The following TENM4 variants were observed in gnomAD, a reference collection of about 807,000 sequenced individuals.
TENM4 encodes the protein teneurin transmembrane protein 4.
TENM4 carries 82 observed loss-of-function variants against 243.3 expected under a neutral mutation model. That is an observed-to-expected ratio of 0.34 (90% confidence interval 0.28 to 0.40). TENM4 has a LOEUF of 0.40. Among genes scored for constraint, TENM4 ranks in the 10% least tolerant of loss-of-function variants. The pLI, the probability that TENM4 is intolerant of heterozygous loss-of-function variation, is 1.00. For synonymous variants in TENM4, 1,412 were observed against 1,456.3 expected (o/e 0.97, Z 0.69); for missense variants, 3,138 against 3,673.3 (o/e 0.85, Z 3.77).
At chr11:79,437,714 C>G (rs904576219) in intron 1 of TENM4, among the ~76,000 whole-genome samples, 1 of 152,108 alleles carries the variant, frequency 6.6e-6, no homozygotes, top group Non-Finnish European at 1.5e-5. Context: ...GGGCCCGGCT[C>G]GCCGGGAAAC....
intron 6 of TENM4, among the ~76,000 whole-genome samples, chr11:78,987,308 T>TA (rs111917957): frequency 0.059 from 8,968 of 151,652 alleles, 807 homozygotes; most frequent in African/African-American, 0.19. Context: ...TCACAGCAAT[T>TA]AAAAAAAAAC....
intron 3 of TENM4, among the ~76,000 whole-genome samples, chr11:79,167,448 C>A (rs11237746): frequency 0.21 from 31,723 of 152,098 alleles, 3,684 homozygotes; most frequent in Non-Finnish European, 0.25. Context: ...TCAACTAATC[C>A]ATAGAGCAAC....
chr11:78,713,999 G>A (rs1859463163), intron 25 of TENM4, among the ~76,000 whole-genome samples: 1 of 152,132 alleles, frequency 6.6e-6, no homozygotes, highest in South Asian at 2.1e-4. Context: ...TTCAAAGGAA[G>A]CTCTGTTTGG....
intron 20 of TENM4, among the ~76,000 whole-genome samples, chr11:78,734,939 C>A (rs778868034): frequency 6.6e-6 from 1 of 152,230 alleles, no homozygotes; most frequent in African/African-American, 2.4e-5. Flanking sequence ...GCTGTTACTG[C>A]AGTTAAATCT....
intron 2 of TENM4, among the ~76,000 whole-genome samples, chr11:79,263,798 G>T (rs990895509): frequency 4.6e-5 from 7 of 152,138 alleles, no homozygotes; most frequent in South Asian, 2.1e-4. Flanking sequence ...GACGAATACA[G>T]CTCTCCCTTG....
rs375229637 is a variant in TENM4 at position 78,889,952 on chromosome 11, G to A, written c.917C>T (p.Thr306Met). The A allele has an allele frequency of 9.7e-6, 15 of 1,551,486 alleles. No homozygotes were observed. Among genetic ancestry groups the A allele is most frequent in the African/African-American group, 2.7e-5 (2 of 73,040 alleles). ...FCTTSPGYPL[T>M]SSTVYSPPPR... The stretch of plus-strand genomic sequence containing the variant: ...CGGAGGAGAGTACACTGTGCTGGAC[G>A]TCAGTGGGTACCCTGGTGATGTGGT... The change falls in exon 9 of 34, where the codon ACG becomes ATG. Residue 306 changes from threonine to methionine, a missense_variant. Around this residue, in one of 2 missense-constraint regions of TENM4, gnomAD observed 671 missense variants for 614.1 expected, o/e 1.09. Coordinates refer to ENST00000278550, the MANE Select transcript of TENM4 (RefSeq NM_001098816.3).
At chr11:78,989,345 T>C (rs1857987640) in intron 6 of TENM4, among the ~76,000 whole-genome samples, 1 of 152,148 alleles carries the variant, frequency 6.6e-6, no homozygotes, top group African/African-American at 2.4e-5. Context: ...CTGAGGCAGA[T>C]GTTTTAACTA....
intron 6 of TENM4, among the ~76,000 whole-genome samples, chr11:78,966,155 C>T (rs1476804636): frequency 2.7e-5 from 4 of 149,420 alleles, no homozygotes; most frequent in East Asian, 2.0e-4. Context: ...TTACTTTGCC[C>T]TTTGCACCTC....
At chr11:78,976,890 G>T (rs186236151) in intron 6 of TENM4, among the ~76,000 whole-genome samples, 3 of 152,312 alleles carry the variant, frequency 2.0e-5, no homozygotes, top group Admixed American at 6.5e-5. Flanking sequence ...AATACCTTTT[G>T]TGTCTGGCAC....
intron 2 of TENM4, among the ~76,000 whole-genome samples, chr11:79,222,979 C>T (rs1864192939): frequency 6.6e-6 from 1 of 151,864 alleles, no homozygotes; most frequent in Admixed American, 6.6e-5. Context: ...ACATTGGGGC[C>T]TGTCAGGGGG....
chr11:79,114,321 T>G (rs1413966576), intron 4 of TENM4, among the ~76,000 whole-genome samples: 4 of 152,220 alleles, frequency 2.6e-5, no homozygotes. Flanking sequence ...TGGCTACTTT[T>G]GCATTTGGTG....
At chr11:79,241,984 C>G (rs1195046276) in intron 2 of TENM4, among the ~76,000 whole-genome samples, 1 of 152,190 alleles carries the variant, frequency 6.6e-6, no homozygotes, top group African/African-American at 2.4e-5. Context: ...TTTGGCAGCC[C>G]AGCCATAAGG....
At chr11:79,060,666 G>A (rs772705611) in intron 6 of TENM4, among the ~76,000 whole-genome samples, 68 of 152,230 alleles carry the variant, frequency 4.5e-4, no homozygotes, top group Non-Finnish European at 8.1e-4. Flanking sequence ...AAAGGACTCA[G>A]AGAAACCAGA....
chr11:78,738,319 C>T (rs2135901487), intron 20 of TENM4, 132 bp downstream of exon 20: 2 of 1,232,894 alleles, frequency 1.6e-6, no homozygotes, highest in African/African-American at 3.0e-5. Context: ...AGTTGCAGAG[C>T]TGGGCATTTG....
At chr11:79,170,563 G>A (rs886313935) in intron 3 of TENM4, among the ~76,000 whole-genome samples, 1 of 152,196 alleles carries the variant, frequency 6.6e-6, no homozygotes, top group Non-Finnish European at 1.5e-5. Context: ...AGTGGAAATA[G>A]TGACACAGAC....
At chr11:79,008,534 C>T (rs1005296424) in intron 6 of TENM4, among the ~76,000 whole-genome samples, 2 of 152,140 alleles carry the variant, frequency 1.3e-5, no homozygotes, top group Admixed American at 1.3e-4. Flanking sequence ...ATACCTTTTG[C>T]TTAACATTTT....
At chr11:78,840,363 TA>T (rs1485259227) in intron 12 of TENM4, among the ~76,000 whole-genome samples, 1 of 152,104 alleles carries the variant, frequency 6.6e-6, no homozygotes, top group Non-Finnish European at 1.5e-5. Flanking sequence ...TGACATGTAA[TA>T]TGAACCAGGA....
rs544978169 is a variant in TENM4 at position 79,230,073 on chromosome 11, T to C, written c.-264-14164A>G. On this transcript the variant is annotated intron_variant, in intron 2 of 33. Coordinates refer to ENST00000278550, the MANE Select transcript of TENM4 (RefSeq NM_001098816.3). ...CTGGTTCTACATCCTTTACAGTTATTTGGGCATGTATCTGTTTCTTCAGGT... is the reference window on the plus strand; with the variant it reads ...CTGGTTCTACATCCTTTACAGTTATCTGGGCATGTATCTGTTTCTTCAGGT... 2.6e-5 allele frequency among the ~76,000 whole-genome samples: 4 copies of C among 151,970 alleles called. No individual in the cohort carries two copies. The South Asian group carries it at 6.2e-4, about 24-fold the overall frequency.
intron 7 of TENM4, among the ~76,000 whole-genome samples, chr11:78,899,283 C>T (rs558183473): frequency 6.6e-6 from 1 of 151,974 alleles, no homozygotes; most frequent in Non-Finnish European, 1.5e-5. Flanking sequence ...GTTTGTCCCC[C>T]CAAAGCTCAT....
Sources: gnomAD v4.1 joint callset for allele counts (sites outside exome capture counted in the v4.1 genomes callset) on GRCh38, gnomAD v4.1.1 for gene constraint, gnomAD v4.1.1 regional missense constraint, MANE v1.5 for transcripts, NCBI Gene and HGNC (gene_info 2026-07-23, HGNC 2026-07-21) for gene names.